Variants in RB1 observed in about 807,000 individuals in gnomAD.
The protein encoded by RB1 is RB transcriptional corepressor 1.
In RB1, 18 loss-of-function variants were observed where a neutral mutation model predicts 135.4. The ratio of observed to expected loss-of-function variants is 0.13; its 90% CI spans 0.09 to 0.20. The LOEUF (loss-of-function observed/expected upper bound fraction) is 0.20. Ranked by LOEUF, RB1 falls within the 10% of genes least tolerant of loss-of-function variation. The pLI is 1.00. For synonymous variants in RB1, 365 were observed against 373.2 expected, an observed-to-expected ratio of 0.98 and a Z score of 0.25; for missense variants, 868 against 1,110.0, an observed-to-expected ratio of 0.78 and a Z score of 3.10.
At position 48,368,555 on chromosome 13, in the gene RB1, A is replaced by T. The variant is rs1593449010; in HGVS notation, c.1078A>T (p.Ser360Cys). Residue 360 changes from serine to cysteine, a missense_variant, in exon 11 of 27, where the codon AGT (serine) becomes TGT (cysteine). This residue lies in a region of RB1 where 641 missense variants were observed against 791.3 expected (regional missense o/e 0.81). Coordinates refer to ENST00000267163, the MANE Select transcript of RB1 (RefSeq NM_000321.3). ...SFETQRTPRK[S>C]NLDEEVNVIP... Reference sequence around the variant, plus strand: ...TGAAACACAGAGAACACCACGAAAAAGTAACCTTGATGAAGAGGTGAATGT... The same window carrying T: ...TGAAACACAGAGAACACCACGAAAATGTAACCTTGATGAAGAGGTGAATGT... 1.4e-5 allele frequency: 23 copies of T among 1,613,548 alleles called. No individual in the cohort carries two copies. The highest frequency in any genetic ancestry group is 1.9e-5 in the Non-Finnish European group (23 of 1,179,730).
At chr13:48,386,652 C>T (rs1948573670) in intron 17 of RB1, among the ~76,000 whole-genome samples, 1 of 151,996 alleles carries the variant, frequency 6.6e-6, no homozygotes. Context: ...GTAAAGGTTG[C>T]CAATGATAAA....
intron 2 of RB1, chr13:48,328,446 C>T (rs1205178227): frequency 1.9e-6 from 2 of 1,035,920 alleles, no homozygotes; most frequent in Non-Finnish European, 3.1e-6. Flanking sequence ...TCTGCAGCTT[C>T]TTCTTCAGCT....
chr13:48,325,904 A>G (rs1952283305), intron 2 of RB1, among the ~76,000 whole-genome samples: 1 of 152,108 alleles, frequency 6.6e-6, no homozygotes, highest in South Asian at 2.1e-4. Flanking sequence ...AAAATTTTAA[A>G]TTTGCTCATA....
Position 48,367,556 on chromosome 13 carries a change from A to G in RB1, c.1002A>G (p.Arg334=), listed in dbSNP as rs1346148116. Residue 334 remains arginine, a synonymous_variant, in exon 10 of 27, where the codon AGA becomes AGG. Coordinates refer to ENST00000267163, the MANE Select transcript of RB1 (RefSeq NM_000321.3). ...IYLKNKDLDA[R]LFLDHDKTLQ... is the part of the protein sequence containing the mutation. ...TTAAAAATAAAGATCTAGATGCAAGATTATTTTTGGATCATGATAAAACTC... is the reference window on the plus strand; with the variant it reads ...TTAAAAATAAAGATCTAGATGCAAGGTTATTTTTGGATCATGATAAAACTC... 6.2e-7 allele frequency: 1 copy of G among 1,604,888 alleles called. No homozygotes were observed. Among genetic ancestry groups the G allele is most frequent in the Non-Finnish European group, 8.5e-7 (1 of 1,174,384 alleles).
At chr13:48,317,530 G>A (rs1952196725) in intron 2 of RB1, 8 of 437,460 alleles carry the variant, frequency 1.8e-5, no homozygotes, top group Non-Finnish European at 2.1e-5. Context: ...TCCGGCCTCG[G>A]TGCCCGCTGT....
intron 7 of RB1, among the ~76,000 whole-genome samples, chr13:48,361,928 C>T (rs1212280035): frequency 1.4e-5 from 2 of 141,316 alleles, no homozygotes; most frequent in African/African-American, 5.1e-5. Context: ...ACTTTTTATA[C>T]TTAATCATCT....
chr13:48,344,036 ATC>A (rs1346912892), intron 3 of RB1, among the ~76,000 whole-genome samples: 1 of 152,174 alleles, frequency 6.6e-6, no homozygotes, highest in East Asian at 1.9e-4. Flanking sequence ...TCAGGTGACT[ATC>A]TTTTGTTTCA....
intron 17 of RB1, chr13:48,412,388 A>G (rs1190220265): frequency 1.2e-6 from 2 of 1,613,958 alleles, no homozygotes; most frequent in Non-Finnish European, 8.5e-7. Flanking sequence ...TAAAGGAGTC[A>G]TTATAGAAGC....
intron 2 of RB1, among the ~76,000 whole-genome samples, chr13:48,336,471 G>A (rs186206927): frequency 0.01 from 1,591 of 152,108 alleles, 35 homozygotes; most frequent in African/African-American, 0.034. Flanking sequence ...GTTTATTTGC[G>A]TAGAGGTGTT....
intron 7 of RB1, 77 bp downstream of exon 7, chr13:48,360,204 G>A: frequency 4.4e-6 from 7 of 1,594,938 alleles, no homozygotes; most frequent in Non-Finnish European, 6.0e-6. Context: ...TACCAAACAT[G>A]GTTCTAAGGC....
At chr13:48,352,665 G>A (rs1952558520) in intron 6 of RB1, among the ~76,000 whole-genome samples, 2 of 152,042 alleles carry the variant, frequency 1.3e-5, no homozygotes, top group Admixed American at 1.3e-4. Context: ...GCTCTTGTTG[G>A]TGTGTAGAAC....
At position 48,409,284 on chromosome 13, in the gene RB1, A is replaced by G. The variant is rs1295623780; in HGVS notation, c.1695+27841A>G. On this transcript the variant is annotated intron_variant, in intron 17 of 26. Transcript: ENST00000267163. ...GATGTATTTTGCTTTAGGTTTATCT[A>G]AAGGAAACCATGGATCCCTAAAGAA... 5.3e-5 allele frequency among the ~76,000 whole-genome samples: 8 copies of G among 151,730 alleles called. No individual in the cohort carries two copies. The East Asian group carries it at 1.4e-3, about 26-fold the overall frequency.
chr13:48,447,674 A>G (rs929922126), intron 17 of RB1, among the ~76,000 whole-genome samples: 2 of 152,124 alleles, frequency 1.3e-5, no homozygotes, highest in African/African-American at 4.8e-5. Context: ...TCATGTAGCT[A>G]CAGGTGGCCA....
intron 17 of RB1, among the ~76,000 whole-genome samples, chr13:48,409,213 A>G (rs1196937681): frequency 1.4e-5 from 2 of 140,558 alleles, no homozygotes; most frequent in African/African-American, 5.4e-5. Flanking sequence ...CAGTGGTGTG[A>G]TCATATCTCA....
chr13:48,371,261 TGG>T (rs1225894413), intron 11 of RB1, among the ~76,000 whole-genome samples: 1 of 152,018 alleles, frequency 6.6e-6, no homozygotes, highest in Non-Finnish European at 1.5e-5. Context: ...TAATAGTCAG[TGG>T]GGGGATAGAC....
chr13:48,379,480 T>C (rs1452368866), intron 13 of RB1, 114 bp from the exon 14 acceptor site: 19 of 1,348,878 alleles, frequency 1.4e-5, no homozygotes, highest in Non-Finnish European at 1.9e-5. Flanking sequence ...AGCCCAGGAG[T>C]GTGAAGGCCA....
At chr13:48,431,296 AT>A (rs1319148243) in intron 17 of RB1, among the ~76,000 whole-genome samples, 1 of 152,164 alleles carries the variant, frequency 6.6e-6, no homozygotes, top group Non-Finnish European at 1.5e-5. Context: ...ATGACTATAC[AT>A]TTGATTAGAC....
intron 1 of RB1, among the ~76,000 whole-genome samples, chr13:48,306,671 G>C (rs934745286): frequency 6.6e-6 from 1 of 152,100 alleles, no homozygotes; most frequent in African/African-American, 2.4e-5. Context: ...CTTTCTACAG[G>C]ATCATAGTAA....
chr13:48,449,649 C>T (rs900593734), intron 17 of RB1, among the ~76,000 whole-genome samples: 1 of 152,096 alleles, frequency 6.6e-6, no homozygotes, highest in African/African-American at 2.4e-5. Flanking sequence ...ATAGTCCCAG[C>T]TACTCAGGAG....
Sources: gnomAD v4.1 joint callset for allele counts (sites outside exome capture counted in the v4.1 genomes callset) on GRCh38, gnomAD v4.1.1 for gene constraint, gnomAD v4.1.1 regional missense constraint, MANE v1.5 for transcripts, NCBI Gene and HGNC (gene_info 2026-07-23, HGNC 2026-07-21) for gene names.